The following PTPRN2 variants were observed in gnomAD, a reference collection of about 807,000 sequenced individuals.
The protein encoded by PTPRN2 is receptor-type tyrosine-protein phosphatase N2.
In PTPRN2, 74 loss-of-function variants were observed where a neutral mutation model predicts 118.8. That is an observed-to-expected ratio of 0.62 (90% CI 0.52 to 0.76). The LOEUF is 0.76. PTPRN2 is among the 30% of genes least tolerant of loss of function. The pLI, the probability that PTPRN2 is intolerant of heterozygous loss-of-function variation, is 0.00. For missense variants in PTPRN2, 1,481 were observed against 1,394.4 expected (o/e 1.06, Z -0.99); for synonymous variants, 641 against 608.0 (o/e 1.05, Z -0.80).
chr7:158,414,132 G>A (rs1303053098), intron 2 of PTPRN2, among the ~76,000 whole-genome samples: 1 of 150,588 alleles, frequency 6.6e-6, no homozygotes, highest in Non-Finnish European at 1.5e-5. Flanking sequence ...GGGGAGAACT[G>A]TGGTTCTAGC....
intron 14 of PTPRN2, among the ~76,000 whole-genome samples, chr7:157,625,281 G>A (rs536472175): frequency 2.0e-4 from 31 of 152,198 alleles, no homozygotes; most frequent in Non-Finnish European, 4.0e-4. Flanking sequence ...ACTTGCACAT[G>A]CATGTTTATA....
intron 5 of PTPRN2, among the ~76,000 whole-genome samples, chr7:158,171,256 T>TATATATACAC (rs1823604595): frequency 2.0e-4 from 20 of 101,286 alleles, no homozygotes; most frequent in Admixed American, 5.4e-4. Flanking sequence ...TATACACACA[T>TATATATACAC]ATATATACAC....
intron 3 of PTPRN2, among the ~76,000 whole-genome samples, chr7:158,269,733 GAGAGACAGAGAC>G (rs1432811315): frequency 1.8e-5 from 2 of 109,820 alleles, no homozygotes; most frequent in African/African-American, 8.6e-5. Flanking sequence ...GACAGAAACA[GAGAGACAGAGAC>G]AGAGAGAGAC....
At chr7:157,616,272 G>A (rs74682792) in intron 15 of PTPRN2, 1 of 152,552 alleles carries the variant, frequency 6.6e-6, no homozygotes, top group African/African-American at 2.4e-5. Flanking sequence ...GAACTGTGTG[G>A]AGTATCAACG....
chr7:158,258,292 C>A (rs1415424543), intron 3 of PTPRN2, among the ~76,000 whole-genome samples: 1 of 152,230 alleles, frequency 6.6e-6, no homozygotes, highest in African/African-American at 2.4e-5. Flanking sequence ...CCTCCCCCGG[C>A]ATCTCCACGT....
chr7:158,120,954 G>A (rs562192772), intron 9 of PTPRN2, among the ~76,000 whole-genome samples: 9 of 152,202 alleles, frequency 5.9e-5, no homozygotes, highest in Non-Finnish European at 1.0e-4. Context: ...AGGCTGCTGG[G>A]AACTCCAGAC....
chr7:157,604,345 C>T (rs1801878678), intron 15 of PTPRN2, among the ~76,000 whole-genome samples: 1 of 152,220 alleles, frequency 6.6e-6, no homozygotes, highest in African/African-American at 2.4e-5. Flanking sequence ...GTTCCTGCTC[C>T]CATCCTCCCC....
chr7:157,738,547 C>T lies in PTPRN2; in HGVS notation c.1789-55610G>A, dbSNP rs1018188050. On this transcript the variant is annotated intron_variant, in intron 12 of 22. Transcript: ENST00000389418. ...CCCGGGTTGTTTGTGGTGCAGCCAG[C>T]GGCTGGTCACTCACATGCAGACTGA... Among the ~76,000 whole-genome samples the T allele has an allele frequency of 2.0e-5, 3 of 152,176 alleles. 1 individual carries two copies. The highest frequency in any genetic ancestry group is 1.3e-4 in the Admixed American group (2 of 15,288).
At chr7:157,725,325 GCCTCCCAGGAGAACTGGATATCTACACA>G (rs1799492787) in intron 12 of PTPRN2, among the ~76,000 whole-genome samples, 11 of 86,160 alleles carry the variant, frequency 1.3e-4, no homozygotes, top group African/African-American at 2.8e-4. Flanking sequence ...CCAGACCCTC[GCCTCCCAGGAGAACTGGATATCTACACA>G]CAGAGGAGTG....
intron 13 of PTPRN2, among the ~76,000 whole-genome samples, chr7:157,679,266 G>C (rs1796809152): frequency 1.3e-5 from 2 of 152,128 alleles, no homozygotes; most frequent in Non-Finnish European, 2.9e-5. Flanking sequence ...TAAAACAATG[G>C]GGAGAAGTTT....
At chr7:158,070,358 C>CT (rs1811140256) in intron 11 of PTPRN2, among the ~76,000 whole-genome samples, 1 of 115,018 alleles carries the variant, frequency 8.7e-6, no homozygotes, top group East Asian at 2.5e-4. Context: ...GGTGGAGGTG[C>CT]CCCTGGTGGT....
intron 12 of PTPRN2, among the ~76,000 whole-genome samples, chr7:157,718,455 C>A (rs904693953): frequency 6.6e-6 from 1 of 152,306 alleles, no homozygotes; most frequent in South Asian, 2.1e-4. Context: ...GTTTGGAGAG[C>A]GCCTTCCTCC....
chr7:158,148,992 A>ACCCCATCTCATGCCACACC (rs1563514158), intron 6 of PTPRN2, among the ~76,000 whole-genome samples: 1 of 19,544 alleles, frequency 5.1e-5, no homozygotes, highest in African/African-American at 2.3e-4. Context: ...CACGCCACAC[A>ACCCCATCTCATGCCACACC]TCTTTCCCCC....
At chr7:158,144,735 C>T (rs984542681) in intron 6 of PTPRN2, among the ~76,000 whole-genome samples, 22 of 152,218 alleles carry the variant, frequency 1.4e-4, no homozygotes, top group African/African-American at 4.3e-4. Flanking sequence ...CCCACCACCC[C>T]GAGGGAAGAG....
intron 12 of PTPRN2, among the ~76,000 whole-genome samples, chr7:157,686,940 A>G (rs1006499690): frequency 6.6e-6 from 1 of 152,212 alleles, no homozygotes; most frequent in Admixed American, 6.5e-5. Flanking sequence ...GGTTAGATCT[A>G]TCTTGAGAAT....
At chr7:158,410,000 C>G (rs773996388) in intron 2 of PTPRN2, among the ~76,000 whole-genome samples, 1 of 152,230 alleles carries the variant, frequency 6.6e-6, no homozygotes, top group African/African-American at 2.4e-5. Context: ...GCCTGAGGTT[C>G]GCTGAACAGC....
At chr7:158,330,068 C>A (rs1290074583) in intron 2 of PTPRN2, among the ~76,000 whole-genome samples, 1 of 143,098 alleles carries the variant, frequency 7.0e-6, no homozygotes, top group East Asian at 2.1e-4. Flanking sequence ...CACACTCTCA[C>A]CATAAGAGCT....
chr7:158,229,948 T>C (rs182291160), intron 3 of PTPRN2, among the ~76,000 whole-genome samples: 42 of 150,862 alleles, frequency 2.8e-4, no homozygotes, highest in Admixed American at 1.7e-3. Flanking sequence ...CATATAATAA[T>C]CAAACTCTCA....
rs986449906 is a variant in PTPRN2 at position 157,587,672 on chromosome 7, C to T, written c.2496+7566G>A. On this transcript the variant is annotated intron_variant, in intron 17 of 22. Transcript: ENST00000389418. This position sits in a 1 kb window ranked among gnomAD's most constrained non-coding sequence, Gnocchi z 5.3. ...CACACATCCGATGCCAGTGGGACAC[C>T]TGCTGACTTCAGCGAGCGCTTTGTG... Among the ~76,000 whole-genome samples, 1 of 152,248 alleles carries T rather than the reference C, an allele frequency of 6.6e-6. No homozygotes were observed. The highest frequency in any genetic ancestry group is 2.4e-5 in the African/African-American group (1 of 41,472).
Sources: allele counts gnomAD v4.1 joint callset (sites outside exome capture counted in the v4.1 genomes callset), GRCh38; gene constraint gnomAD v4.1.1; non-coding constraint Gnocchi (gnomAD v3.1); transcripts MANE v1.5; gene names NCBI Gene and HGNC (gene_info 2026-07-23, HGNC 2026-07-21).